The following SLC2A10 variants were observed in gnomAD, a reference collection of about 807,000 sequenced individuals.
SLC2A10 encodes the protein solute carrier family 2, facilitated glucose transporter member 10.
In SLC2A10, 25 loss-of-function variants were observed where a neutral mutation model predicts 32.1. The observed-to-expected ratio is 0.78, with a 90% CI of 0.57 to 1.09. The LOEUF (loss-of-function observed/expected upper bound fraction) is 1.09, where lower values mean the gene tolerates loss of function less well. Among genes scored for constraint, SLC2A10 ranks in the 50% least tolerant of loss-of-function variants. The pLI is 0.00. For missense variants in SLC2A10, 673 were observed against 686.5 expected (o/e 0.98, Z 0.22); for synonymous variants, 332 against 309.6 (o/e 1.07, Z -0.76).
chr20:46,714,765 AG>A (rs1449216398), intron 1 of SLC2A10: 2 of 152,464 alleles, frequency 1.3e-5, no homozygotes, highest in African/African-American at 2.4e-5. Flanking sequence ...GGACTGACTC[AG>A]GTGATGGGAA....
Position 46,733,824 on chromosome 20 carries a change from C to T in SLC2A10, c.1616C>T (p.Ala539Val), listed in dbSNP as rs140312420. Reference sequence around the variant, plus strand: ...CCGTACAGCCGCATCGAGATCTCTGCGGCCTCCTGAGGAATCCGTCTGCCT... The same window carrying T: ...CCGTACAGCCGCATCGAGATCTCTGTGGCCTCCTGAGGAATCCGTCTGCCT... ...GIPYSRIEISAAS is the reference protein window; with the variant it reads ...GIPYSRIEISVAS Residue 539 changes from alanine to valine, a missense_variant, in exon 5 of 5, where the codon GCG becomes GTG. Ala to Val is a moderately conservative substitution (Grantham distance 64). Transcript: ENST00000359271. 3.9e-5 allele frequency: 63 copies of T among 1,613,924 alleles called. No individual in the cohort carries two copies. The highest frequency in any genetic ancestry group is 8.8e-5 in the South Asian group (8 of 91,076).
At chr20:46,723,691 C>G (rs1194709596) in intron 1 of SLC2A10, among the ~76,000 whole-genome samples, 1 of 152,126 alleles carries the variant, frequency 6.6e-6, no homozygotes, top group Non-Finnish European at 1.5e-5. Flanking sequence ...ATGATCTGGC[C>G]CCTGCCTATT....
At chr20:46,726,452 C>A in intron 2 of SLC2A10, 128 bp downstream of exon 2, 1 of 1,360,068 alleles carries the variant, frequency 7.4e-7, no homozygotes, top group Non-Finnish European at 1.0e-6. Context: ...GACCATGAAG[C>A]CTCAGGGCCC....
At chr20:46,729,832 C>T (rs969659132) in intron 4 of SLC2A10, among the ~76,000 whole-genome samples, 1 of 151,690 alleles carries the variant, frequency 6.6e-6, no homozygotes. Context: ...TTAGTAGAGA[C>T]GGGGTTTCAC....
intron 4 of SLC2A10, among the ~76,000 whole-genome samples, chr20:46,730,208 T>G (rs1427233938): frequency 6.6e-6 from 1 of 152,194 alleles, no homozygotes; most frequent in Non-Finnish European, 1.5e-5. Context: ...GGCTATTTAT[T>G]AAGTCCTTAC....
intron 1 of SLC2A10, among the ~76,000 whole-genome samples, chr20:46,720,017 C>T (rs1352473528): frequency 6.6e-6 from 1 of 152,190 alleles, no homozygotes; most frequent in Admixed American, 6.5e-5. Flanking sequence ...AAGCTGTCAA[C>T]ACAGCAGATC....
chr20:46,722,238 T>C (rs1979597472), intron 1 of SLC2A10, among the ~76,000 whole-genome samples: 1 of 152,160 alleles, frequency 6.6e-6, no homozygotes, highest in Admixed American at 6.5e-5. Context: ...TACTGTTCCA[T>C]GGTGAGCAGG....
intron 1 of SLC2A10, among the ~76,000 whole-genome samples, chr20:46,724,275 A>C (rs1394522181): frequency 6.6e-6 from 1 of 152,234 alleles, no homozygotes; most frequent in East Asian, 1.9e-4. Flanking sequence ...TTCCAGCCCT[A>C]AGAGCACTTC....
At chr20:46,708,398 C>T (rs1978713126), upstream of SLC2A10, among the ~76,000 whole-genome samples, 1 of 152,146 alleles carries the variant, frequency 6.6e-6, no homozygotes, top group Non-Finnish European at 1.5e-5. Flanking sequence ...GCATTAGTGG[C>T]AGTGTCCCCA....
chr20:46,715,486 A>T (rs1979181779), intron 1 of SLC2A10, among the ~76,000 whole-genome samples: 1 of 152,162 alleles, frequency 6.6e-6, no homozygotes, highest in South Asian at 2.1e-4. Flanking sequence ...GGAGGGGCAA[A>T]GGGGGGCGAA....
chr20:46,725,659 A>C lies in SLC2A10; in HGVS notation c.623A>C (p.Lys208Thr). Residue 208 changes from lysine (K) to threonine (T), a missense_variant, in exon 2 of 5, where the codon AAG becomes ACG. Coordinates refer to ENST00000359271, the MANE Select transcript of SLC2A10 (RefSeq NM_030777.4). ...CCACTCCAGGGAGGTGAGGCCCCCAAGCTGGGCCCGGGGAGGCCACGGTAC... is the reference window on the plus strand; with the variant it reads ...CCACTCCAGGGAGGTGAGGCCCCCACGCTGGGCCCGGGGAGGCCACGGTAC... Reference protein sequence around the residue: ...LIPLQGGEAPKLGPGRPRYSF... With the variant: ...LIPLQGGEAPTLGPGRPRYSF... The C allele has an allele frequency of 6.2e-7, 1 of 1,614,006 alleles. No homozygotes were observed. Among genetic ancestry groups the C allele is most frequent in the Non-Finnish European group, 8.5e-7 (1 of 1,179,940 alleles).
chr20:46,733,654 G>T, intron 4 of SLC2A10, 102 bp from the exon 5 acceptor site: 2 of 873,446 alleles, frequency 2.3e-6, no homozygotes, highest in Admixed American at 1.7e-5. Flanking sequence ...TGGTAGGAGT[G>T]AAGGTGGGAT....
chr20:46,713,940 AT>A (rs911738609), intron 1 of SLC2A10, among the ~76,000 whole-genome samples: 5 of 152,178 alleles, frequency 3.3e-5, no homozygotes, highest in African/African-American at 1.2e-4. Context: ...GTTGAGGAAG[AT>A]GCATGGGAAT....
upstream of SLC2A10, among the ~76,000 whole-genome samples, chr20:46,708,645 A>C (rs1456628797): frequency 1.3e-5 from 2 of 152,198 alleles, no homozygotes; most frequent in Admixed American, 6.5e-5. Flanking sequence ...CTCACCTTGC[A>C]ACAGCCTCCC....
intron 4 of SLC2A10, among the ~76,000 whole-genome samples, chr20:46,732,907 A>G (rs1363872848): frequency 6.6e-6 from 1 of 152,162 alleles, no homozygotes; most frequent in Non-Finnish European, 1.5e-5. Flanking sequence ...GCAAGAGCAA[A>G]GGCCCGGAGG....
chr20:46,708,726 T>C (rs1978728178), upstream of SLC2A10, among the ~76,000 whole-genome samples: 1 of 152,112 alleles, frequency 6.6e-6, no homozygotes, highest in Non-Finnish European at 1.5e-5. Context: ...GCTGATGGGG[T>C]TGAAATCTAC....
chr20:46,733,373 G>A (rs6018007), intron 4 of SLC2A10, among the ~76,000 whole-genome samples: 1,947 of 152,314 alleles, frequency 0.013, 35 homozygotes, highest in African/African-American at 0.042. Flanking sequence ...CCATTCATGA[G>A]AAGCTGCCCC....
chr20:46,711,743 G>A (rs1195776252), intron 1 of SLC2A10, among the ~76,000 whole-genome samples: 8 of 152,126 alleles, frequency 5.3e-5, no homozygotes, highest in Admixed American at 2.6e-4. Context: ...GCCTCTGGGG[G>A]CAGAACTGGG....
At chr20:46,713,362 A>G (rs1600655964) in intron 1 of SLC2A10, among the ~76,000 whole-genome samples, 1 of 152,050 alleles carries the variant, frequency 6.6e-6, no homozygotes, top group South Asian at 2.1e-4. Context: ...AAGGCCAGGG[A>G]CAGCCTCACC....
Sources: allele counts gnomAD v4.1 joint callset (sites outside exome capture counted in the v4.1 genomes callset), GRCh38; gene constraint gnomAD v4.1.1; transcripts MANE v1.5; gene names NCBI Gene and HGNC (gene_info 2026-07-23, HGNC 2026-07-21).